The following PTPRG variants were observed in gnomAD, a reference collection of about 807,000 sequenced individuals.
PTPRG encodes the protein receptor-type tyrosine-protein phosphatase gamma.
In PTPRG, 102 loss-of-function variants were observed where a neutral mutation model predicts 165.3. That is an observed-to-expected ratio of 0.62 (90% CI 0.53 to 0.73). The LOEUF is 0.73. Ranked by LOEUF, PTPRG falls within the 30% of genes least tolerant of loss-of-function variation. The probability of loss-of-function intolerance (pLI) is 0.00; values close to 1 mark genes in which losing one functional copy is unlikely to be tolerated. For missense variants in PTPRG, 1,866 were observed against 1,861.4 expected (o/e 1.00, Z -0.05); for synonymous variants, 675 against 669.5 (o/e 1.01, Z -0.13).
chr3:62,035,530 A>C lies in PTPRG; in HGVS notation c.519+32033A>C, dbSNP rs75294676. ...CTGTCTTCACTATCTCCTATTTAAG[A>C]AATACAAGTATTCCTGTTCAGCTCA... On this transcript the variant is annotated intron_variant, in intron 4 of 29. Coordinates refer to ENST00000474889, the MANE Select transcript of PTPRG (RefSeq NM_002841.4). Among the ~76,000 whole-genome samples, 1,186 of 152,324 alleles carry C rather than the reference A, an allele frequency of 7.8e-3. 20 individuals are homozygous for C. The highest frequency in any genetic ancestry group is 0.028 in the African/African-American group (1,146 of 41,580).
intron 2 of PTPRG, among the ~76,000 whole-genome samples, chr3:61,858,302 T>C (rs889542008): frequency 2.5e-4 from 38 of 152,210 alleles, no homozygotes; most frequent in African/African-American, 8.4e-4. Context: ...ATGGAGACAG[T>C]TTTATAAGTG....
chr3:61,831,427 A>AC (rs1412199075), intron 2 of PTPRG, among the ~76,000 whole-genome samples: 4 of 152,072 alleles, frequency 2.6e-5, no homozygotes, highest in African/African-American at 9.7e-5. Flanking sequence ...CACAGGAAGG[A>AC]CCTTTTGTTC....
chr3:61,647,565 C>T (rs374694328), intron 1 of PTPRG, among the ~76,000 whole-genome samples: 10 of 151,924 alleles, frequency 6.6e-5, no homozygotes, highest in South Asian at 2.1e-4. Context: ...CCGAGGCGGG[C>T]GGATCACGAA....
chr3:62,090,081 T>C (rs1701879262), intron 5 of PTPRG, among the ~76,000 whole-genome samples: 1 of 152,210 alleles, frequency 6.6e-6, no homozygotes, highest in Non-Finnish European at 1.5e-5. Flanking sequence ...TGAGAGATAC[T>C]TCTAAAATTA....
At chr3:61,645,460 A>G (rs951580444) in intron 1 of PTPRG, among the ~76,000 whole-genome samples, 4 of 152,204 alleles carry the variant, frequency 2.6e-5, no homozygotes, top group Non-Finnish European at 2.9e-5. Context: ...GGCTCCACCA[A>G]TCACATGCAT....
At chr3:61,702,357 A>G (rs960816053) in intron 1 of PTPRG, among the ~76,000 whole-genome samples, 3 of 152,222 alleles carry the variant, frequency 2.0e-5, no homozygotes, top group Admixed American at 1.3e-4. Context: ...TGACCCTAAC[A>G]TGCTGAGAAT....
chr3:62,243,758 CAAAT>C (rs1346236340), intron 14 of PTPRG, 45 bp from the exon 15 acceptor site: 9 of 1,193,528 alleles, frequency 7.5e-6, no homozygotes, highest in East Asian at 2.4e-5. Context: ...AAGATGAACT[CAAAT>C]AAAGTATATT....
intron 2 of PTPRG, among the ~76,000 whole-genome samples, chr3:61,978,379 C>T (rs1473752976): frequency 6.6e-6 from 1 of 152,182 alleles, no homozygotes; most frequent in African/African-American, 2.4e-5. Context: ...ATTCTTCCCA[C>T]AACTGCTTCT....
rs560594608 is a variant in PTPRG, at chr3:61,892,740, C to T, written c.191-96885C>T. ...CTGAGGCAGGAGAATCGCCTGAACC[C>T]GGGAGGGGGAGGTTGCAGTGAGCCG... is the stretch of plus-strand genomic sequence containing the variant. On this transcript the variant is annotated intron_variant, in intron 2 of 29. Transcript: ENST00000474889. Among the ~76,000 whole-genome samples, 3 of 151,042 alleles carry T rather than the reference C, an allele frequency of 2.0e-5. No individual in the cohort carries two copies. The East Asian group carries it at 5.9e-4, about 29-fold the overall frequency.
chr3:62,167,916 T>C (rs9875921), intron 7 of PTPRG, 55 bp from the exon 8 acceptor site: 8 of 1,490,398 alleles, frequency 5.4e-6, no homozygotes, highest in Admixed American at 5.2e-5. Context: ...CTAATTGATG[T>C]GTGTTTTTTG....
At chr3:62,122,004 T>C (rs1212074312) in intron 5 of PTPRG, among the ~76,000 whole-genome samples, 3 of 152,188 alleles carry the variant, frequency 2.0e-5, no homozygotes, top group African/African-American at 7.2e-5. Context: ...AGCTGAACTC[T>C]TCAGTTAGCA....
chr3:62,024,146 G>A (rs2041757717), intron 4 of PTPRG, among the ~76,000 whole-genome samples: 1 of 152,080 alleles, frequency 6.6e-6, no homozygotes, highest in Non-Finnish European at 1.5e-5. Context: ...ACTACATGAT[G>A]TTTTGATATA....
chr3:61,879,113 A>G (rs1440775523), intron 2 of PTPRG, among the ~76,000 whole-genome samples: 1 of 152,228 alleles, frequency 6.6e-6, no homozygotes, highest in Non-Finnish European at 1.5e-5. Flanking sequence ...TTGATAAGTA[A>G]TGAACCAAAG....
chr3:61,985,537 T>C (rs1553700605), intron 2 of PTPRG, among the ~76,000 whole-genome samples: 2 of 152,192 alleles, frequency 1.3e-5, no homozygotes, highest in Non-Finnish European at 2.9e-5. Context: ...CTTTGGTATC[T>C]GGGTACCTCA....
chr3:62,081,260 ACAAAC>A lies in PTPRG; in HGVS notation c.615+3003_615+3007del, dbSNP rs1193215600. Among the ~76,000 whole-genome samples the A allele has an allele frequency of 5.1e-4, 68 of 134,368 alleles. 1 individual carries two copies. The highest frequency in any genetic ancestry group is 9.3e-4 in the African/African-American group (29 of 31,324). The allele number at this position is 134,368 out of a possible 152,430, so 88.2% of individuals were successfully genotyped here. On this transcript the variant is annotated intron_variant, in intron 5 of 29. Coordinates refer to ENST00000474889, the MANE Select transcript of PTPRG (RefSeq NM_002841.4). ...CGACAGAGTGAGACTCCGTCTCAAA[ACAAAC>A]AAACAAACAAACAAACAAACAAACA... is the stretch of plus-strand genomic sequence containing the variant.
intron 1 of PTPRG, among the ~76,000 whole-genome samples, chr3:61,734,164 C>T (rs965566207): frequency 3.9e-5 from 6 of 152,186 alleles, no homozygotes; most frequent in African/African-American, 1.4e-4. Context: ...TTCCTAAATG[C>T]ATTTTACAAA....
intron 4 of PTPRG, among the ~76,000 whole-genome samples, chr3:62,058,988 C>T (rs993478110): frequency 6.6e-5 from 10 of 152,276 alleles, no homozygotes; most frequent in South Asian, 4.2e-4. Context: ...GGTAGGCAGA[C>T]GGGAATGATC....
In PTPRG at chr3:62,291,805, T is replaced by C. The variant is rs550146069; in HGVS notation, c.4056-616T>C. On this transcript the variant is annotated intron_variant, in intron 28 of 29. Coordinates refer to ENST00000474889, the MANE Select transcript of PTPRG (RefSeq NM_002841.4). ...AGTTGCCAACCTGGCCTGATGGAAATTTACTACCTTTCTAAGACTTTTTTG... is the reference window on the plus strand; with the variant it reads ...AGTTGCCAACCTGGCCTGATGGAAACTTACTACCTTTCTAAGACTTTTTTG... Among the ~76,000 whole-genome samples, 3 of 152,260 alleles carry C rather than the reference T, an allele frequency of 2.0e-5. No individual in the cohort carries two copies. In the East Asian group the frequency reaches 5.8e-4, roughly 29 times the overall value.
chr3:61,926,888 A>C (rs934620228), intron 2 of PTPRG, among the ~76,000 whole-genome samples: 2 of 151,152 alleles, frequency 1.3e-5, no homozygotes, highest in Admixed American at 6.6e-5. Flanking sequence ...GGTTGAAATT[A>C]AAACAAAAAC....
Sources: gnomAD v4.1 joint callset for allele counts (sites outside exome capture counted in the v4.1 genomes callset) on GRCh38, gnomAD v4.1.1 for gene constraint, MANE v1.5 for transcripts, NCBI Gene and HGNC (gene_info 2026-07-23, HGNC 2026-07-21) for gene names.